ARHGAP12: variants seen among roughly 807,000 people sequenced by gnomAD.
The protein encoded by ARHGAP12 is Rho GTPase activating protein 12, also known as rho GTPase-activating protein 12.
In ARHGAP12, 64 loss-of-function variants were observed where a neutral mutation model predicts 108.6. The observed-to-expected ratio is 0.59, with a 90% CI of 0.48 to 0.73. The LOEUF (loss-of-function observed/expected upper bound fraction) is 0.73. Ranked by LOEUF, ARHGAP12 falls within the 30% of genes least tolerant of loss-of-function variation. The probability of loss-of-function intolerance (pLI) is 0.00; values close to 1 mark genes in which losing one functional copy is unlikely to be tolerated. For synonymous variants in ARHGAP12, 312 were observed against 337.2 expected (o/e 0.93, Z 0.82); for missense variants, 940 against 1,005.9 (o/e 0.93, Z 0.89).
chr10:31,914,561 A>C (rs963314790), intron 1 of ARHGAP12, among the ~76,000 whole-genome samples: 30 of 152,340 alleles, frequency 2.0e-4, no homozygotes, highest in African/African-American at 6.7e-4. Flanking sequence ...CAACATCACT[A>C]ATCAGGGAAA....
intron 3 of ARHGAP12, among the ~76,000 whole-genome samples, chr10:31,862,072 C>T (rs1259547521): frequency 1.3e-5 from 2 of 152,106 alleles, no homozygotes; most frequent in Admixed American, 6.5e-5. Context: ...TGATTTTAGG[C>T]AATACTTTAA....
intron 1 of ARHGAP12, among the ~76,000 whole-genome samples, chr10:31,927,280 T>C (rs796945848): frequency 4.5e-4 from 69 of 152,320 alleles, no homozygotes; most frequent in African/African-American, 1.4e-3. Context: ...TAGAGGAAGA[T>C]GACCGATTCT....
intron 9 of ARHGAP12, among the ~76,000 whole-genome samples, chr10:31,834,169 GA>G (rs2132212324): frequency 6.6e-6 from 1 of 152,250 alleles, no homozygotes; most frequent in South Asian, 2.1e-4. Context: ...GGCTTTTCCT[GA>G]CCACTTTTAA....
intron 1 of ARHGAP12, among the ~76,000 whole-genome samples, chr10:31,923,374 C>A: frequency 6.6e-6 from 1 of 152,142 alleles, no homozygotes; most frequent in East Asian, 1.9e-4. Flanking sequence ...GGATGTAAAA[C>A]TGAACCAGCA....
intron 1 of ARHGAP12, among the ~76,000 whole-genome samples, chr10:31,926,904 A>G (rs1326706142): frequency 2.0e-5 from 3 of 152,128 alleles, no homozygotes; most frequent in Non-Finnish European, 4.4e-5. Flanking sequence ...ATTATATATG[A>G]ACAACTAATA....
intron 9 of ARHGAP12, among the ~76,000 whole-genome samples, chr10:31,833,230 T>G (rs1210826192): frequency 6.6e-6 from 1 of 151,750 alleles, no homozygotes; most frequent in Non-Finnish European, 1.5e-5. Flanking sequence ...AACATTAATC[T>G]GAGTGGATGG....
chr10:31,902,284 C>T (rs1838958766), intron 3 of ARHGAP12, among the ~76,000 whole-genome samples: 1 of 149,104 alleles, frequency 6.7e-6, no homozygotes, highest in Non-Finnish European at 1.5e-5. Flanking sequence ...GGAGGAAAGA[C>T]AGCCTTTTCA....
intron 1 of ARHGAP12, among the ~76,000 whole-genome samples, chr10:31,924,590 GTTTAT>G (rs986792370): frequency 1.3e-5 from 2 of 152,000 alleles, no homozygotes; most frequent in African/African-American, 2.4e-5. Flanking sequence ...TTGAATGTTA[GTTTAT>G]TTTATGTATG....
At chr10:31,833,438 G>A (rs1011840895) in intron 9 of ARHGAP12, among the ~76,000 whole-genome samples, 1 of 151,960 alleles carries the variant, frequency 6.6e-6, no homozygotes. Context: ...CTAAGGATGA[G>A]AGGGAGAGTC....
intron 2 of ARHGAP12, among the ~76,000 whole-genome samples, chr10:31,909,433 C>T (rs1403001890): frequency 1.3e-5 from 2 of 152,176 alleles, no homozygotes; most frequent in African/African-American, 4.8e-5. Context: ...CCAGTTCCCA[C>T]CTGTTTGGGG....
chr10:31,853,437 A>G (rs1836772635), intron 5 of ARHGAP12, among the ~76,000 whole-genome samples: 1 of 152,148 alleles, frequency 6.6e-6, no homozygotes, highest in South Asian at 2.1e-4. Context: ...GCTAATACAA[A>G]CACATGATCT....
intron 8 of ARHGAP12, 150 bp downstream of exon 8, chr10:31,839,487 T>C: frequency 2.8e-6 from 3 of 1,083,792 alleles, no homozygotes; most frequent in East Asian, 2.7e-5. Flanking sequence ...TAAAATCTGA[T>C]TGTTAAACTT....
At chr10:31,822,396 T>G (rs1249511667) in intron 11 of ARHGAP12, among the ~76,000 whole-genome samples, 1 of 152,166 alleles carries the variant, frequency 6.6e-6, no homozygotes, top group African/African-American at 2.4e-5. Context: ...AATGATGATG[T>G]CATAACAATG....
chr10:31,858,713 T>A (rs1836991627), intron 4 of ARHGAP12, among the ~76,000 whole-genome samples: 1 of 152,110 alleles, frequency 6.6e-6, no homozygotes. Context: ...AATAATAAGC[T>A]TCTGTGTTAA....
intron 3 of ARHGAP12, among the ~76,000 whole-genome samples, chr10:31,900,148 C>T (rs1838859643): frequency 6.6e-6 from 1 of 152,234 alleles, no homozygotes; most frequent in Middle Eastern, 3.4e-3. Flanking sequence ...TTAGGAAATA[C>T]AAACTAAAAC....
chr10:31,821,448 A>G (rs929944172), intron 11 of ARHGAP12, among the ~76,000 whole-genome samples: 5 of 152,206 alleles, frequency 3.3e-5, no homozygotes, highest in African/African-American at 4.8e-5. Context: ...TTAAAACCCT[A>G]AAGTCTACTG....
At chr10:31,851,468 T>G (rs1186111274) in intron 6 of ARHGAP12, among the ~76,000 whole-genome samples, 1 of 152,176 alleles carries the variant, frequency 6.6e-6, no homozygotes, top group Non-Finnish European at 1.5e-5. Context: ...TATGGCCACC[T>G]ACACATTGTT....
At chr10:31,909,842 A>G (rs1479577706) in intron 2 of ARHGAP12, among the ~76,000 whole-genome samples, 3 of 152,094 alleles carry the variant, frequency 2.0e-5, no homozygotes, top group Non-Finnish European at 4.4e-5. Context: ...GTTGTGGTGG[A>G]CCAAGATCAC....
chr10:31,851,844 G>C (rs886613318), intron 6 of ARHGAP12, among the ~76,000 whole-genome samples: 1 of 152,126 alleles, frequency 6.6e-6, no homozygotes, highest in African/African-American at 2.4e-5. Context: ...TGTAACAACT[G>C]ACACCACATA....
Sources: allele counts gnomAD v4.1 joint callset (sites outside exome capture counted in the v4.1 genomes callset), GRCh38; gene constraint gnomAD v4.1.1; transcripts MANE v1.5; gene names NCBI Gene and HGNC (gene_info 2026-07-23, HGNC 2026-07-21).